The following KCNMB2 variants were observed in gnomAD, a reference collection of about 807,000 sequenced individuals.
The protein encoded by KCNMB2 is potassium calcium-activated channel subfamily M regulatory beta subunit 2.
Under a neutral mutation model 24.5 loss-of-function variants are expected in KCNMB2, and 9 were observed. The observed-to-expected ratio is 0.37, with a 90% CI of 0.22 to 0.64. KCNMB2 has a LOEUF of 0.64. Ranked by LOEUF, KCNMB2 falls within the 30% of genes least tolerant of loss-of-function variation. The pLI is 0.63. For missense variants in KCNMB2, 226 were observed against 284.3 expected, an observed-to-expected ratio of 0.79 and a Z score of 1.47; for synonymous variants, 109 against 104.4, an observed-to-expected ratio of 1.04 and a Z score of -0.27.
chr3:178,722,457 G>A (rs1722838124), intron 1 of KCNMB2, among the ~76,000 whole-genome samples: 1 of 152,184 alleles, frequency 6.6e-6, no homozygotes, highest in South Asian at 2.1e-4. Flanking sequence ...AGGCAAGAGG[G>A]TGAGAGAGGA....
intron 1 of KCNMB2, among the ~76,000 whole-genome samples, chr3:178,666,059 G>A (rs1259691090): frequency 1.3e-5 from 2 of 152,104 alleles, no homozygotes; most frequent in Non-Finnish European, 2.9e-5. Context: ...TCTATTCAAT[G>A]TAGATGTGTG....
At chr3:178,723,080 T>C (rs1460860250) in intron 1 of KCNMB2, among the ~76,000 whole-genome samples, 2 of 152,194 alleles carry the variant, frequency 1.3e-5, no homozygotes, top group Non-Finnish European at 2.9e-5. Context: ...CATTCATCTA[T>C]GTGTCTATCC....
intron 1 of KCNMB2, among the ~76,000 whole-genome samples, chr3:178,704,578 T>A (rs1467932558): frequency 1.3e-5 from 2 of 152,060 alleles, no homozygotes; most frequent in Non-Finnish European, 2.9e-5. Context: ...CAAAAAAAAA[T>A]TTTCTTCATC....
intron 1 of KCNMB2, among the ~76,000 whole-genome samples, chr3:178,737,111 A>T (rs59992165): frequency 0.028 from 4,198 of 152,178 alleles, 195 homozygotes; most frequent in African/African-American, 0.095. Flanking sequence ...CTCTACTAAA[A>T]ATACAAAAAT....
chr3:178,770,740 G>A (rs1406427565), intron 1 of KCNMB2, among the ~76,000 whole-genome samples: 1 of 152,196 alleles, frequency 6.6e-6, no homozygotes, highest in African/African-American at 2.4e-5. Context: ...TTTACATAAA[G>A]TATTTATTGC....
chr3:178,796,804 A>T (rs1713562657), intron 1 of KCNMB2, among the ~76,000 whole-genome samples: 1 of 152,108 alleles, frequency 6.6e-6, no homozygotes, highest in Non-Finnish European at 1.5e-5. Flanking sequence ...AAGTAGAAAA[A>T]CTTCAAATAA....
intron 2 of KCNMB2, among the ~76,000 whole-genome samples, chr3:178,824,374 C>CT (rs887791690): frequency 8.9e-4 from 133 of 149,190 alleles, no homozygotes; most frequent in African/African-American, 2.5e-3. Flanking sequence ...CACTCATTGT[C>CT]TTTTTTTTTT....
intron 1 of KCNMB2, among the ~76,000 whole-genome samples, chr3:178,710,321 T>A (rs1219241072): frequency 6.6e-6 from 1 of 151,994 alleles, no homozygotes; most frequent in Admixed American, 6.6e-5. Context: ...TCCCTTGAGG[T>A]TTTTTTCTTC....
intron 1 of KCNMB2, among the ~76,000 whole-genome samples, chr3:178,757,919 A>C (rs1284358666): frequency 7.6e-6 from 1 of 132,194 alleles, no homozygotes; most frequent in Non-Finnish European, 1.6e-5. Flanking sequence ...ATATATATCC[A>C]AGAGGATATA....
intron 1 of KCNMB2, among the ~76,000 whole-genome samples, chr3:178,781,795 CTTTT>C (rs1355741964): frequency 6.7e-6 from 1 of 148,528 alleles, no homozygotes; most frequent in Non-Finnish European, 1.5e-5. Context: ...TTTTTTTTTT[CTTTT>C]TTTATTATAC....
chr3:178,747,638 C>G (rs1723713686), intron 1 of KCNMB2, among the ~76,000 whole-genome samples: 1 of 152,192 alleles, frequency 6.6e-6, no homozygotes, highest in Non-Finnish European at 1.5e-5. Context: ...ACTCCAAAAC[C>G]TATGGTCTCA....
chr3:178,601,044 G>A (rs558271195), intron 1 of KCNMB2, among the ~76,000 whole-genome samples: 1 of 152,222 alleles, frequency 6.6e-6, no homozygotes, highest in East Asian at 1.9e-4. Flanking sequence ...GTCCTTTGCA[G>A]GGACATGGAT....
At chr3:178,558,617 A>C (rs1045796870) in intron 1 of KCNMB2, 58 of 152,232 alleles carry the variant, frequency 3.8e-4, no homozygotes, top group African/African-American at 1.2e-3. Flanking sequence ...TTTTTTTAAA[A>C]TCATAAATAA....
intron 1 of KCNMB2, among the ~76,000 whole-genome samples, chr3:178,592,104 G>A (rs1717696603): frequency 6.6e-6 from 1 of 152,080 alleles, no homozygotes; most frequent in African/African-American, 2.4e-5. Flanking sequence ...CATGTCTGTA[G>A]CATATATTGC....
chr3:178,642,979 G>T (rs1313755322), intron 1 of KCNMB2, among the ~76,000 whole-genome samples: 2 of 152,204 alleles, frequency 1.3e-5, no homozygotes, highest in Middle Eastern at 3.2e-3. Context: ...TGTTTGTAGA[G>T]TCAGTTATTC....
intron 1 of KCNMB2, among the ~76,000 whole-genome samples, chr3:178,788,920 C>T (rs763351150): frequency 6.6e-6 from 1 of 152,192 alleles, no homozygotes; most frequent in South Asian, 2.1e-4. Flanking sequence ...ACACCCAACT[C>T]GGTGCCTGCC....
At chr3:178,760,651 A>C (rs964863366) in intron 1 of KCNMB2, among the ~76,000 whole-genome samples, 1 of 151,414 alleles carries the variant, frequency 6.6e-6, no homozygotes, top group African/African-American at 2.4e-5. Context: ...GAAGGAAATA[A>C]ATTAAAGGAA....
chr3:178,613,223 C>A (rs1560131035), intron 1 of KCNMB2, among the ~76,000 whole-genome samples: 2 of 152,146 alleles, frequency 1.3e-5, no homozygotes, highest in African/African-American at 2.4e-5. Flanking sequence ...CATGGCAAAA[C>A]CCCATCTCTA....
intron 1 of KCNMB2, among the ~76,000 whole-genome samples, chr3:178,655,793 C>T (rs1337424231): frequency 6.6e-6 from 1 of 152,186 alleles, no homozygotes; most frequent in Non-Finnish European, 1.5e-5. Flanking sequence ...CTGAGGATTT[C>T]CCCAAAGCCT....
Sources: allele counts gnomAD v4.1 joint callset (sites outside exome capture counted in the v4.1 genomes callset), GRCh38; gene constraint gnomAD v4.1.1; transcripts MANE v1.5; gene names NCBI Gene and HGNC (gene_info 2026-07-23, HGNC 2026-07-21).